Variants in GRIK4 observed in about 807,000 individuals in gnomAD.
GRIK4 encodes the protein glutamate receptor ionotropic, kainate 4.
Under a neutral mutation model 104.9 loss-of-function variants are expected in GRIK4, and 40 were observed. The observed-to-expected ratio is 0.38, with a 90% CI of 0.30 to 0.50. The LOEUF (loss-of-function observed/expected upper bound fraction) is 0.50. Ranked by LOEUF, GRIK4 falls within the 20% of genes least tolerant of loss-of-function variation. GRIK4 has a pLI of 0.93. For missense variants in GRIK4, 1,047 were observed against 1,308.1 expected, an observed-to-expected ratio of 0.80 and a Z score of 3.08; for synonymous variants, 485 against 524.9, an observed-to-expected ratio of 0.92 and a Z score of 1.04.
chr11:120,815,951 T>C (rs1952946685), intron 5 of GRIK4, among the ~76,000 whole-genome samples: 2 of 152,230 alleles, frequency 1.3e-5, no homozygotes, highest in Admixed American at 6.5e-5. Flanking sequence ...GCCTCTGTCA[T>C]ATAAGTTCTC....
intron 1 of GRIK4, among the ~76,000 whole-genome samples, chr11:120,543,634 G>A (rs1238340014): frequency 6.6e-6 from 1 of 152,192 alleles, no homozygotes; most frequent in Admixed American, 6.5e-5. Flanking sequence ...ATACAAGCCA[G>A]TAATCCCACT....
intron 1 of GRIK4, among the ~76,000 whole-genome samples, chr11:120,604,634 C>T (rs1172527023): frequency 9.2e-5 from 14 of 152,190 alleles, no homozygotes; most frequent in Non-Finnish European, 2.1e-4. Flanking sequence ...TGGTGAGAAA[C>T]AGCAGAAGCC....
intron 11 of GRIK4, among the ~76,000 whole-genome samples, chr11:120,896,256 C>A (rs1279511455): frequency 6.6e-6 from 1 of 152,250 alleles, no homozygotes; most frequent in African/African-American, 2.4e-5. Flanking sequence ...GAGTGCAGGG[C>A]TTAAAGCTCA....
At chr11:120,860,536 C>T (rs191342892) in intron 8 of GRIK4, among the ~76,000 whole-genome samples, 3 of 152,248 alleles carry the variant, frequency 2.0e-5, no homozygotes, top group East Asian at 1.9e-4. Flanking sequence ...TCCCTGACTG[C>T]GTCATCTAAA....
chr11:120,620,414 G>A, intron 1 of GRIK4: 1 of 500,242 alleles, frequency 2.0e-6, no homozygotes, highest in Non-Finnish European at 3.6e-6. Context: ...CCATAACCCA[G>A]TCCCCATGTA....
At chr11:120,910,114 A>G (rs1706995091) in intron 13 of GRIK4, among the ~76,000 whole-genome samples, 1 of 152,102 alleles carries the variant, frequency 6.6e-6, no homozygotes, top group Admixed American at 6.5e-5. Flanking sequence ...GCTGACCCTT[A>G]CCGGGTGACA....
At chr11:120,564,130 G>A (rs1365034639) in intron 1 of GRIK4, among the ~76,000 whole-genome samples, 8 of 151,920 alleles carry the variant, frequency 5.3e-5, no homozygotes, top group Admixed American at 5.2e-4. Flanking sequence ...CGCAGGCGGC[G>A]GCTAGCGCTG....
intron 8 of GRIK4, among the ~76,000 whole-genome samples, chr11:120,861,197 C>G (rs1222435359): frequency 6.7e-6 from 1 of 149,566 alleles, no homozygotes; most frequent in African/African-American, 2.5e-5. Context: ...CAACCTCCGC[C>G]TCCTGGGTTC....
intron 13 of GRIK4, among the ~76,000 whole-genome samples, chr11:120,913,837 C>T (rs1054988844): frequency 7.7e-5 from 11 of 143,784 alleles, no homozygotes; most frequent in African/African-American, 1.3e-4. Context: ...GAAGGTTGTC[C>T]GGAGACATTT....
At chr11:120,736,861 A>G (rs959818521) in intron 3 of GRIK4, among the ~76,000 whole-genome samples, 17 of 151,440 alleles carry the variant, frequency 1.1e-4, no homozygotes, top group Non-Finnish European at 1.8e-4. Context: ...TCTTATCCCC[A>G]GATGTGGTTG....
At chr11:120,643,947 T>G (rs1949504257) in intron 1 of GRIK4, among the ~76,000 whole-genome samples, 1 of 151,784 alleles carries the variant, frequency 6.6e-6, no homozygotes, top group Non-Finnish European at 1.5e-5. Flanking sequence ...TTAGTAATTA[T>G]CCAGTCTAAC....
At chr11:120,818,675 A>G (rs751765646) in intron 5 of GRIK4, among the ~76,000 whole-genome samples, 33 of 152,214 alleles carry the variant, frequency 2.2e-4, no homozygotes, top group Admixed American at 6.5e-5. Context: ...GGAGACTCCT[A>G]CAGAGACCAT....
intron 3 of GRIK4, among the ~76,000 whole-genome samples, chr11:120,740,484 C>T (rs999294450): frequency 5.9e-5 from 9 of 152,210 alleles, no homozygotes; most frequent in African/African-American, 1.9e-4. Context: ...TCCCGTGGCC[C>T]TGTCCCAGCT....
At chr11:120,643,214 A>G (rs1232701498) in intron 1 of GRIK4, among the ~76,000 whole-genome samples, 1 of 152,242 alleles carries the variant, frequency 6.6e-6, no homozygotes, top group Non-Finnish European at 1.5e-5. Context: ...ACAAGCTACA[A>G]GGGGATAAGT....
intron 11 of GRIK4, among the ~76,000 whole-genome samples, chr11:120,890,178 G>C (rs187066918): frequency 6.6e-6 from 1 of 152,220 alleles, no homozygotes; most frequent in Non-Finnish European, 1.5e-5. Flanking sequence ...AGGCCATCAC[G>C]TACATTATCT....
chr11:120,552,861 G>A (rs962099831), intron 1 of GRIK4, among the ~76,000 whole-genome samples: 5 of 152,102 alleles, frequency 3.3e-5, no homozygotes, highest in African/African-American at 4.8e-5. Flanking sequence ...TTAGCTGGGC[G>A]TGGTGGCAGG....
intron 3 of GRIK4, among the ~76,000 whole-genome samples, chr11:120,783,632 A>G (rs1163736184): frequency 1.3e-5 from 2 of 152,164 alleles, no homozygotes; most frequent in African/African-American, 2.4e-5. Context: ...TCCATGGCAT[A>G]TGGCATCGGA....
intron 1 of GRIK4, chr11:120,575,719 G>C (rs564231333): frequency 6.6e-6 from 1 of 152,218 alleles, no homozygotes; most frequent in East Asian, 1.9e-4. Flanking sequence ...AGATGTTGGC[G>C]GCCCCCTCCT....
chr11:120,875,381 T>C, intron 11 of GRIK4, 138 bp downstream of exon 11: 2 of 647,432 alleles, frequency 3.1e-6, no homozygotes, highest in Non-Finnish European at 5.6e-6. Context: ...GCTCCTGACC[T>C]GCACCAGCCT....
Sources: gnomAD v4.1 joint callset for allele counts (sites outside exome capture counted in the v4.1 genomes callset) on GRCh38, gnomAD v4.1.1 for gene constraint, MANE v1.5 for transcripts, NCBI Gene and HGNC (gene_info 2026-07-23, HGNC 2026-07-21) for gene names.